ZAR1: variants seen among roughly 807,000 people sequenced by gnomAD.
ZAR1 encodes zygote arrest protein 1.
ZAR1 carries 37 observed loss-of-function variants against 38.3 expected under a neutral mutation model. The observed-to-expected ratio is 0.97, with a 90% confidence interval of 0.74 to 1.27. The LOEUF is 1.27. Ranked by LOEUF, ZAR1 falls within the 50% of genes most tolerant of loss-of-function variation. The pLI is 0.00. For missense variants in ZAR1, 651 were observed against 632.4 expected (o/e 1.03, Z -0.32); for synonymous variants, 336 against 292.0 (o/e 1.15, Z -1.53).
rs1368405434 is a variant in ZAR1 at position 48,490,441 on chromosome 4, C to T, written c.150C>T (p.Ala50=). The part of the protein sequence containing the change: ...WQQRGRGCLP[A]SSPCSAGAAS... Reference sequence around the variant, plus strand: ...AGCGCGGCAGGGGCTGCCTTCCCGCCTCCTCCCCCTGCTCGGCGGGCGCGG... The same window carrying T: ...AGCGCGGCAGGGGCTGCCTTCCCGCTTCCTCCCCCTGCTCGGCGGGCGCGG... The change falls in exon 1 of 4, where the codon GCC becomes GCT. Residue 50 remains alanine (A), a synonymous_variant. Transcript: ENST00000327939. 3 of 1,468,462 alleles carry T rather than the reference C, an allele frequency of 2.0e-6. No homozygotes were observed. The highest frequency in any genetic ancestry group is 4.9e-5 in the Admixed American group (2 of 40,538). 91.0% of individuals were successfully genotyped at this position (1,468,462 alleles called of 1,614,324 possible). A position where few individuals can be genotyped will look rare whatever the true frequency, so the allele number is the denominator to read the frequency against.
At chr4:48,496,185 G>A (rs1466749788), downstream of ZAR1, among the ~76,000 whole-genome samples, 1 of 152,200 alleles carries the variant, frequency 6.6e-6, no homozygotes, top group Non-Finnish European at 1.5e-5. Flanking sequence ...GATACCTGTA[G>A]ATAAGGAGAC....
In ZAR1 at chr4:48,491,015, G is replaced by A. The variant is rs1434039416; in HGVS notation, c.724G>A (p.Asp242Asn). ...GCCCCGGCGGCCGCAGTCCGACGAC[G>A]ACGGCGAGGCCCAGGCCGCAGTCCG... ...KAPRRPQSDD[D>N]GEAQAAVRAS... is the part of the protein sequence containing the mutation. Residue 242 changes from aspartate (D) to asparagine (N), a missense_variant, in exon 1 of 4, where the codon GAC becomes AAC. By Grantham distance (23) the Asp-to-Asn change is conservative (BLOSUM62 1). This residue lies in a region of ZAR1 where 522 missense variants were observed against 459.9 expected (regional missense o/e 1.14). Coordinates refer to ENST00000327939, the MANE Select transcript of ZAR1 (RefSeq NM_175619.3). The A allele has an allele frequency of 1.5e-6, 2 of 1,365,210 alleles. No individual in the cohort carries two copies. The highest frequency in any genetic ancestry group is 3.6e-5 in the Admixed American group (1 of 28,152). The allele number at this position is 1,365,210 out of a possible 1,614,324, so 84.6% of individuals were successfully genotyped here.
Position 48,492,773 on chromosome 4 carries a change from AGCAGAAATATG to A in ZAR1, c.974_984del (p.Gln325LeufsTer23). The A allele has an allele frequency of 6.2e-7, 1 of 1,614,076 alleles. No individual in the cohort carries two copies. Among genetic ancestry groups the A allele is most frequent in the Non-Finnish European group, 8.5e-7 (1 of 1,179,926 alleles). On this transcript the variant is annotated frameshift_variant, in exon 2 of 4. Coordinates refer to ENST00000327939, the MANE Select transcript of ZAR1 (RefSeq NM_175619.3). LOFTEE classifies it high-confidence loss of function. ...ACATATCCTGTTGTTCAGTTCTTAG[AGCAGAAATATG>A]GCTATTACCACTGCAAGGACTGCAA...
chr4:48,493,993 C>CT (rs918468588), intron 3 of ZAR1, 108 bp from the exon 4 acceptor site: 76 of 1,353,756 alleles, frequency 5.6e-5, no homozygotes, highest in Middle Eastern at 1.8e-4. Context: ...TGGGACCTTG[C>CT]TTAGAGCACA....
At chr4:48,494,915 C>T (rs1718544748), downstream of ZAR1, among the ~76,000 whole-genome samples, 2 of 152,176 alleles carry the variant, frequency 1.3e-5, no homozygotes, top group East Asian at 1.9e-4. Flanking sequence ...GTCAGTTTCA[C>T]AAATGTGGCA....
chr4:48,493,108 G>A, intron 3 of ZAR1, 96 bp downstream of exon 3: 1 of 1,139,930 alleles, frequency 8.8e-7, no homozygotes, highest in Middle Eastern at 2.0e-4. Context: ...CAGGCCCCCA[G>A]ACCTTAGGTT....
At position 48,490,288 on chromosome 4, in the gene ZAR1, G is replaced by A. The variant is rs1450536564; in HGVS notation, c.-4G>A. Reference sequence around the variant, plus strand: ...GTGCGGCGGCGGGCGGGAGCAGTGCGCCCATGGCGGCCCTGGGGGACGAGG... The same window carrying A: ...GTGCGGCGGCGGGCGGGAGCAGTGCACCCATGGCGGCCCTGGGGGACGAGG... On this transcript the variant is annotated 5_prime_UTR_variant, in exon 1 of 4. Coordinates refer to ENST00000327939, the MANE Select transcript of ZAR1 (RefSeq NM_175619.3). The A allele has an allele frequency of 2.0e-6, 3 of 1,499,070 alleles. No individual in the cohort carries two copies. Among genetic ancestry groups the A allele is most frequent in the Admixed American group, 4.4e-5 (2 of 45,848 alleles). The allele number at this position is 1,499,070 out of a possible 1,614,324, so 92.9% of individuals were successfully genotyped here.
Position 48,490,559 on chromosome 4 carries a change from G to A in ZAR1, c.268G>A (p.Val90Met). Residue 90 changes from valine (V) to methionine (M), a missense_variant, in exon 1 of 4, where the codon GTG (valine) becomes ATG (methionine). By Grantham distance (21) the Val-to-Met change is conservative. Around this residue, in one of 2 missense-constraint regions of ZAR1, gnomAD observed 522 missense variants for 459.9 expected, o/e 1.14. Coordinates refer to ENST00000327939, the MANE Select transcript of ZAR1 (RefSeq NM_175619.3). Reference protein sequence around the residue: ...RERLMALLAQVGPGLGPRARR... With the variant: ...RERLMALLAQMGPGLGPRARR... ...GCGGCTCATGGCTCTCCTGGCGCAGGTGGGGCCGGGTCTCGGGCCGCGCGC... is the reference window on the plus strand; with the variant it reads ...GCGGCTCATGGCTCTCCTGGCGCAGATGGGGCCGGGTCTCGGGCCGCGCGC... The A allele has an allele frequency of 3.5e-6, 5 of 1,432,062 alleles. No homozygotes were observed. The highest frequency in any genetic ancestry group is 4.5e-6 in the Non-Finnish European group (5 of 1,102,606). 88.7% of individuals were successfully genotyped at this position (1,432,062 alleles called of 1,614,324 possible).
downstream of ZAR1, among the ~76,000 whole-genome samples, chr4:48,495,643 A>G (rs186319805): frequency 1.4e-3 from 211 of 152,316 alleles, 1 homozygote; most frequent in African/African-American, 4.9e-3. Context: ...TAGTTTTTAT[A>G]TAAATGTAAA....
At chr4:48,491,722 C>A in intron 1 of ZAR1, among the ~76,000 whole-genome samples, 1 of 152,244 alleles carries the variant, frequency 6.6e-6, no homozygotes, top group African/African-American at 2.4e-5. Context: ...TCTGATTTCT[C>A]CTTTACGAGC....
In ZAR1 at chr4:48,494,179, T is replaced by C; in HGVS notation, c.1210T>C (p.Cys404Arg). The change falls in exon 4 of 4, where the codon TGC becomes CGC. Residue 404 changes from cysteine to arginine, a missense_variant. Around this residue, in one of 2 missense-constraint regions of ZAR1, gnomAD observed 129 missense variants for 172.5 expected, o/e 0.75. Transcript: ENST00000327939. Reference protein sequence around the residue: ...DPKRPHRQDLCGRCKGKRLSC... With the variant: ...DPKRPHRQDLRGRCKGKRLSC... ...TAAACGGCCCCACCGTCAAGATTTG[T>C]GCGGTAGATGCAAAGGCAAACGCCT... is the stretch of plus-strand genomic sequence containing the variant. The C allele has an allele frequency of 3.1e-6, 5 of 1,614,222 alleles. No individual in the cohort carries two copies. The highest frequency in any genetic ancestry group is 4.2e-6 in the Non-Finnish European group (5 of 1,180,040).
At chr4:48,493,218 A>G (rs556009751) in intron 3 of ZAR1, among the ~76,000 whole-genome samples, 14 of 152,072 alleles carry the variant, frequency 9.2e-5, no homozygotes, top group Non-Finnish European at 1.8e-4. Context: ...GCTGTTGTTA[A>G]CCTCTTCTAA....
In ZAR1 at chr4:48,490,866, C is replaced by T; in HGVS notation, c.575C>T (p.Ala192Val). The change falls in exon 1 of 4, where the codon GCC becomes GTC. Residue 192 changes from alanine to valine, a missense_variant. Coordinates refer to ENST00000327939, the MANE Select transcript of ZAR1 (RefSeq NM_175619.3). ...CCCCTGGCCTTGCGCCGTCTCACCGCCTTCCTGGAGGGGCCCGGGCCCGCG... is the reference window on the plus strand; with the variant it reads ...CCCCTGGCCTTGCGCCGTCTCACCGTCTTCCTGGAGGGGCCCGGGCCCGCG... ...YSPLALRRLT[A>V]FLEGPGPAAG... The T allele has an allele frequency of 6.9e-7, 1 of 1,459,106 alleles. No homozygotes were observed. The highest frequency in any genetic ancestry group is 9.0e-7 in the Non-Finnish European group (1 of 1,110,338). 90.4% of individuals were successfully genotyped at this position (1,459,106 alleles called of 1,614,324 possible). A position where few individuals can be genotyped will look rare whatever the true frequency, so the allele number is the denominator to read the frequency against.
At chr4:48,491,564 G>C (rs916970072) in intron 1 of ZAR1, among the ~76,000 whole-genome samples, 1 of 89,720 alleles carries the variant, frequency 1.1e-5, no homozygotes, top group African/African-American at 3.1e-5. Context: ...GGCCAGCCCT[G>C]ACCGCACGGT....
chr4:48,497,548 TTAAAATACAAC>T (rs1385022250), downstream of ZAR1: 15 of 152,646 alleles, frequency 9.8e-5, no homozygotes, highest in African/African-American at 3.6e-4. Flanking sequence ...TCATTCTTTG[TTAAAATACAAC>T]ACAAACCAAC....
In ZAR1 at chr4:48,490,327, C is replaced by T; in HGVS notation, c.36C>T (p.Tyr12=). 6.6e-7 allele frequency: 1 copy of T among 1,514,084 alleles called. No individual in the cohort carries two copies. The highest frequency in any genetic ancestry group is 8.8e-7 in the Non-Finnish European group (1 of 1,137,188). 93.8% of individuals were successfully genotyped at this position (1,514,084 alleles called of 1,614,324 possible). ...AALGDEVLDG[Y]VFPACPPCSY... The stretch of plus-strand genomic sequence containing the variant: ...TGGGGGACGAGGTGCTGGACGGTTA[C>T]GTGTTCCCGGCGTGCCCCCCCTGCT... The change falls in exon 1 of 4, where the codon TAC becomes TAT. Residue 12 remains tyrosine (Y), a synonymous_variant. Coordinates refer to ENST00000327939, the MANE Select transcript of ZAR1 (RefSeq NM_175619.3).
In ZAR1 at chr4:48,491,144, C is replaced by T. The variant is rs1322767069; in HGVS notation, c.853C>T (p.Pro285Ser). The change falls in exon 1 of 4, where the codon CCG (proline) becomes TCG (serine). Residue 285 changes from proline (P) to serine (S), a missense_variant. Physicochemically the swap from Pro to Ser is moderately conservative, Grantham distance 74. Around this residue, in one of 2 missense-constraint regions of ZAR1, gnomAD observed 522 missense variants for 459.9 expected, o/e 1.14. Coordinates refer to ENST00000327939, the MANE Select transcript of ZAR1 (RefSeq NM_175619.3). The stretch of plus-strand genomic sequence containing the variant: ...GGCGCTAAGGAGCCCGGGGCAACCT[C>T]CGTCGGCGGGGAGGGCCCGAGACGG... The part of the protein sequence containing the change: ...RSALRSPGQP[P>S]SAGRARDGGD... The T allele has an allele frequency of 1.6e-5, 20 of 1,241,600 alleles. No individual in the cohort carries two copies. The highest frequency in any genetic ancestry group is 3.1e-4 in the Middle Eastern group (1 of 3,250). 76.9% of individuals were successfully genotyped at this position (1,241,600 alleles called of 1,614,324 possible).
At chr4:48,494,550 G>C (rs1343916423), downstream of ZAR1, among the ~76,000 whole-genome samples, 1 of 152,100 alleles carries the variant, frequency 6.6e-6, no homozygotes, top group Non-Finnish European at 1.5e-5. Context: ...AAACAATTTA[G>C]GGGGGTGCTT....
downstream of ZAR1, chr4:48,494,401 C>T (rs1718530775): frequency 1.1e-6 from 1 of 928,178 alleles, no homozygotes; most frequent in Non-Finnish European, 1.6e-6. Context: ...TTATACATTG[C>T]ATAAAATCTG....
Sources: allele counts gnomAD v4.1 joint callset (sites outside exome capture counted in the v4.1 genomes callset), GRCh38; gene constraint gnomAD v4.1.1; regional missense constraint gnomAD v4.1.1; transcripts MANE v1.5; gene names NCBI Gene and HGNC (gene_info 2026-07-23, HGNC 2026-07-21).